Variants in ASMTL observed in about 807,000 individuals in gnomAD.
ASMTL encodes acetylserotonin O-methyltransferase like.
ASMTL carries 57 observed loss-of-function variants against 60.3 expected under a neutral mutation model. The ratio of observed to expected loss-of-function variants is 0.95; its 90% CI spans 0.76 to 1.18. The LOEUF (loss-of-function observed/expected upper bound fraction) is 1.18. ASMTL is among the 50% of genes most tolerant of loss of function. ASMTL has a pLI of 0.00. For synonymous variants in ASMTL, 419 were observed against 373.0 expected, an observed-to-expected ratio of 1.12 and a Z score of -1.42; for missense variants, 981 against 852.6, an observed-to-expected ratio of 1.15 and a Z score of -1.88.
intron 12 of ASMTL, among the ~76,000 whole-genome samples, chrX:1,407,256 A>G (rs1301505281): frequency 2.0e-5 from 3 of 151,464 alleles, no homozygotes; most frequent in African/African-American, 7.3e-5. Flanking sequence ...GGATGGATGG[A>G]TAGATGGATG....
In ASMTL at chrX:1,403,271, A is replaced by AG; in HGVS notation, c.1863dup (p.Ter622LeufsTer27). 8.0e-7 allele frequency: 1 copy of AG among 1,249,886 alleles called. No homozygotes were observed. The allele number at this position is 1,249,886 out of a possible 1,614,324, so 77.4% of individuals were successfully genotyped here. ...ATAATGAACATGCTGCCTGGGCTTCAGGGGGCCACTTTGGTGGCCAAGATG... is the reference window on the plus strand; with the variant it reads ...ATAATGAACATGCTGCCTGGGCTTCAGGGGGGCCACTTTGGTGGCCAAGATG... On this transcript the variant is annotated frameshift_variant, in exon 13 of 13. Coordinates refer to ENST00000381317, the MANE Select transcript of ASMTL (RefSeq NM_004192.4). LOFTEE classifies it high-confidence loss of function.
At chrX:1,433,552 G>GGC (rs1556663269) in intron 5 of ASMTL, among the ~76,000 whole-genome samples, 4 of 150,502 alleles carry the variant, frequency 2.7e-5, no homozygotes, top group African/African-American at 7.3e-5. Context: ...CGTGGTGGCG[G>GGC]GCCCGTCGTC....
intron 12 of ASMTL, among the ~76,000 whole-genome samples, chrX:1,408,052 C>T (rs1355854536): frequency 6.6e-6 from 1 of 151,258 alleles, no homozygotes; most frequent in Non-Finnish European, 1.5e-5. Context: ...TTAAAAAACC[C>T]TAACAGGGCA....
intron 3 of ASMTL, 151 bp downstream of exon 3, chrX:1,438,946 C>G (rs2091041348): frequency 1.2e-6 from 1 of 867,776 alleles, no homozygotes; most frequent in Non-Finnish European, 1.9e-6. Flanking sequence ...GCCCTTAGGC[C>G]CCTCATCTGC....
At chrX:1,453,013 C>T, upstream of ASMTL, 2 of 558,982 alleles carry the variant, frequency 3.6e-6, no homozygotes, top group South Asian at 4.4e-5. Context: ...CCCCGCGAGA[C>T]CGCGCCCAGG....
chrX:1,403,394 C>T lies in ASMTL; in HGVS notation c.1741G>A (p.Glu581Lys), dbSNP rs754446994. ...TCGCCCAGGCTCCGCTCCTTGCCTT[C>T]AGTCTGCACCAGCATGTTCAGTGAC... is the stretch of plus-strand genomic sequence containing the variant. ...MQSLNMLVQT[E>K]GKERSLGEYQ... The change falls in exon 13 of 13, where the codon GAA becomes AAA. Residue 581 changes from glutamate to lysine, a missense_variant. By Grantham distance (56) the Glu-to-Lys change is moderately conservative. Coordinates refer to ENST00000381317, the MANE Select transcript of ASMTL (RefSeq NM_004192.4). 9 of 1,613,482 alleles carry T rather than the reference C, an allele frequency of 5.6e-6. No individual in the cohort carries two copies. Among genetic ancestry groups the T allele is most frequent in the South Asian group, 1.1e-5 (1 of 91,084 alleles).
At chrX:1,410,332 G>C (rs1477602275) in intron 12 of ASMTL, among the ~76,000 whole-genome samples, 3 of 151,354 alleles carry the variant, frequency 2.0e-5, no homozygotes, top group African/African-American at 7.3e-5. Context: ...CTTGAGCCCA[G>C]GAGGTCAAGG....
Position 1,435,475 on chromosome X carries a change from A to T in ASMTL, c.338+219T>A, listed in dbSNP as rs772123105. 8.2e-5 allele frequency: 52 copies of T among 631,606 alleles called. No homozygotes were observed. In the South Asian group the frequency reaches 8.8e-4, roughly 11 times the overall value. 39.1% of individuals were successfully genotyped at this position (631,606 alleles called of 1,614,324 possible). ...ACCCCAACAGTCTGCAGTGGGCATG[A>T]GACATTCTGGGATCAGTGCTGCAGA... is the stretch of plus-strand genomic sequence containing the variant. On this transcript the variant is annotated intron_variant, in intron 4 of 12. Transcript: ENST00000381317.
chrX:1,452,996 G>C, upstream of ASMTL: 1 of 580,598 alleles, frequency 1.7e-6, no homozygotes, highest in Non-Finnish European at 2.9e-6. Flanking sequence ...CGCGCCTTCA[G>C]TGGCCTCCCC....
intron 11 of ASMTL, among the ~76,000 whole-genome samples, chrX:1,416,009 GCACA>G (rs1228208308): frequency 4.9e-4 from 69 of 141,886 alleles, no homozygotes; most frequent in East Asian, 4.4e-3. Flanking sequence ...AGCAAGACAG[GCACA>G]CACACACACA....
At position 1,427,745 on chromosome X, in the gene ASMTL, T is replaced by C. The variant is rs774006084; in HGVS notation, c.886A>G (p.Met296Val). The C allele has an allele frequency of 3.9e-5, 62 of 1,610,132 alleles. No homozygotes were observed. The highest frequency in any genetic ancestry group is 5.2e-5 in the Non-Finnish European group (61 of 1,177,606). ...TRLLELIEGF[M>V]LSKGLLTACK... ...ACAGACACAGGTACCTTGGATAGCA[T>C]AAAGCCCTCAATCAGCTCCAGGAGG... Residue 296 changes from methionine (M) to valine (V), a missense_variant, in exon 7 of 13, where the codon ATG becomes GTG. Physicochemically the swap from Met to Val is conservative, Grantham distance 21. Transcript: ENST00000381317.
At position 1,427,989 on chromosome X, in the gene ASMTL, C is replaced by T. The variant is rs749152162; in HGVS notation, c.642G>A (p.Pro214=). The T allele has an allele frequency of 3.7e-6, 6 of 1,613,450 alleles. No individual in the cohort carries two copies. Among genetic ancestry groups the T allele is most frequent in the Middle Eastern group, 1.6e-4 (1 of 6,070 alleles). Residue 214 remains proline (P), a synonymous_variant, in exon 7 of 13, where the codon CCG becomes CCA. Coordinates refer to ENST00000381317, the MANE Select transcript of ASMTL (RefSeq NM_004192.4). ...FCKQLVKLYY[P]PRPEDLRRSV... ...TCCGCCGCAGGTCCTCCGGACGGGG[C>T]GGGTAGTAGAGCTTCACCAGCTGCT...
intron 5 of ASMTL, among the ~76,000 whole-genome samples, chrX:1,433,848 G>A (rs1253825455): frequency 6.6e-6 from 1 of 152,124 alleles, no homozygotes; most frequent in Non-Finnish European, 1.5e-5. Context: ...TTCCTGACCT[G>A]CTCCTTCATA....
chrX:1,431,996 T>C, intron 6 of ASMTL: 1 of 534,740 alleles, frequency 1.9e-6, no homozygotes, highest in Non-Finnish European at 3.4e-6. Flanking sequence ...TGAACTCCTC[T>C]ACCCCTGCCC....
chrX:1,419,961 T>C (rs771082339), intron 9 of ASMTL, among the ~76,000 whole-genome samples: 1 of 152,304 alleles, frequency 6.6e-6, no homozygotes, highest in East Asian at 1.9e-4. Flanking sequence ...TGTCTCCGTC[T>C]GTGTGTCTCT....
intron 8 of ASMTL, among the ~76,000 whole-genome samples, chrX:1,423,707 CCCAGCTACCCAT>C (rs1372713883): frequency 1.2e-4 from 18 of 149,916 alleles, no homozygotes; most frequent in Admixed American, 7.3e-4. Context: ...CATTCCCCCA[CCCAGCTACCCAT>C]CCAGCAATCC....
At chrX:1,421,571 GGTCAAGGT>G in intron 9 of ASMTL, 79 bp downstream of exon 9, 2 of 1,411,580 alleles carry the variant, frequency 1.4e-6, no homozygotes, top group Non-Finnish European at 2.0e-6. Context: ...GAGACAGACT[GGTCAAGGT>G]GCCTACTGAT....
intron 6 of ASMTL, among the ~76,000 whole-genome samples, chrX:1,430,128 T>C (rs1468528885): frequency 3.3e-5 from 5 of 151,902 alleles, no homozygotes; most frequent in Non-Finnish European, 7.4e-5. Context: ...GATTCTCCTG[T>C]CTCAGCCTCC....
At chrX:1,414,283 AG>A (rs1481959337) in intron 11 of ASMTL, among the ~76,000 whole-genome samples, 1 of 152,172 alleles carries the variant, frequency 6.6e-6, no homozygotes, top group Non-Finnish European at 1.5e-5. Flanking sequence ...TCCGGTCTGC[AG>A]GACAGGGAGA....
Sources: allele counts gnomAD v4.1 joint callset (sites outside exome capture counted in the v4.1 genomes callset), GRCh38; gene constraint gnomAD v4.1.1; transcripts MANE v1.5; gene names NCBI Gene and HGNC (gene_info 2026-07-23, HGNC 2026-07-21).